CPA6: variants seen among roughly 807,000 people sequenced by gnomAD.
CPA6 encodes the protein carboxypeptidase B.
In CPA6, 58 loss-of-function variants were observed where a neutral mutation model predicts 63.3. The observed-to-expected ratio is 0.92, with a 90% confidence interval of 0.74 to 1.14. The LOEUF is 1.14. Ranked by LOEUF, CPA6 falls within the 50% of genes most tolerant of loss-of-function variation. The pLI is 0.00. For synonymous variants in CPA6, 185 were observed against 179.0 expected, an observed-to-expected ratio of 1.03 and a Z score of -0.27; for missense variants, 565 against 526.6, an observed-to-expected ratio of 1.07 and a Z score of -0.71.
chr8:67,718,771 T>C (rs1223892912), intron 1 of CPA6, among the ~76,000 whole-genome samples: 1 of 151,810 alleles, frequency 6.6e-6, no homozygotes. Flanking sequence ...CTCAGCCTCC[T>C]GAGTAGCTGG....
intron 8 of CPA6, among the ~76,000 whole-genome samples, chr8:67,466,527 T>C (rs1198822424): frequency 5.9e-5 from 9 of 152,214 alleles, no homozygotes; most frequent in African/African-American, 1.9e-4. Context: ...TGTCTTGTTT[T>C]TCTAGTTGCT....
At chr8:67,497,360 G>A (rs1444005608) in intron 6 of CPA6, among the ~76,000 whole-genome samples, 2 of 152,144 alleles carry the variant, frequency 1.3e-5, no homozygotes, top group Non-Finnish European at 2.9e-5. Context: ...TACAATATAT[G>A]AGTCTTTGTG....
chr8:67,468,121 C>T (rs1810971763), intron 8 of CPA6, among the ~76,000 whole-genome samples: 1 of 152,156 alleles, frequency 6.6e-6, no homozygotes, highest in African/African-American at 2.4e-5. Flanking sequence ...TTGTGTTTGT[C>T]AAACATTTCC....
intron 1 of CPA6, among the ~76,000 whole-genome samples, chr8:67,633,222 A>G (rs1041645841): frequency 4.6e-5 from 7 of 152,106 alleles, no homozygotes; most frequent in Non-Finnish European, 5.9e-5. Context: ...TTTTCCCCAT[A>G]GGATTGCCAC....
At chr8:67,692,201 T>C (rs1421866786) in intron 1 of CPA6, among the ~76,000 whole-genome samples, 3 of 151,928 alleles carry the variant, frequency 2.0e-5, no homozygotes, top group Admixed American at 6.6e-5. Flanking sequence ...CCGGGCATGG[T>C]GGCGCATGCC....
chr8:67,436,370 GT>G (rs1056682175), intron 8 of CPA6, among the ~76,000 whole-genome samples: 2 of 145,410 alleles, frequency 1.4e-5, no homozygotes, highest in Admixed American at 1.3e-4. Context: ...TTCTGTTTGG[GT>G]TTTTGTTGTT....
intron 8 of CPA6, among the ~76,000 whole-genome samples, chr8:67,479,397 T>C (rs1811309589): frequency 6.6e-6 from 1 of 152,250 alleles, no homozygotes. Context: ...TAAACCTCTG[T>C]ACCCCATTGT....
In CPA6 at chr8:67,543,066, G is replaced by A. The variant is rs188096285; in HGVS notation, c.193-25019C>T. On this transcript the variant is annotated intron_variant, in intron 2 of 10. Transcript: ENST00000297770. ...TATTTTATTAGGATTTCTTCTTGTT[G>A]TTGTTGTTAGTATTCTGTCACAGGT... 3.9e-5 allele frequency among the ~76,000 whole-genome samples: 6 copies of A among 152,274 alleles called. No homozygotes were observed. In the East Asian group the frequency reaches 9.6e-4, roughly 24 times the overall value.
At chr8:67,719,629 G>GA (rs1010501283) in intron 1 of CPA6, among the ~76,000 whole-genome samples, 3 of 152,124 alleles carry the variant, frequency 2.0e-5, no homozygotes, top group African/African-American at 7.2e-5. Context: ...GTCAATTGGA[G>GA]GGGGTGAAAC....
intron 8 of CPA6, among the ~76,000 whole-genome samples, chr8:67,442,575 G>A (rs1334821205): frequency 6.6e-6 from 1 of 152,146 alleles, no homozygotes; most frequent in Non-Finnish European, 1.5e-5. Flanking sequence ...GAGACATTTG[G>A]TAGTAAGGTT....
chr8:67,591,296 G>A (rs10441562), intron 2 of CPA6, among the ~76,000 whole-genome samples: 23,426 of 151,772 alleles, frequency 0.15, 2,363 homozygotes, highest in African/African-American at 0.28. Flanking sequence ...TAGCCTTGTA[G>A]TATAGTTTGA....
At chr8:67,482,416 T>C (rs1396448906) in intron 8 of CPA6, among the ~76,000 whole-genome samples, 3 of 152,232 alleles carry the variant, frequency 2.0e-5, no homozygotes, top group African/African-American at 7.2e-5. Flanking sequence ...GTTGTTTCAG[T>C]ATAGGTTGGA....
chr8:67,523,900 G>T (rs1812309709), intron 2 of CPA6, among the ~76,000 whole-genome samples: 1 of 152,202 alleles, frequency 6.6e-6, no homozygotes, highest in Non-Finnish European at 1.5e-5. Flanking sequence ...TAGCACAGAA[G>T]CACTTTCCTG....
chr8:67,533,991 A>G (rs1023183475), intron 2 of CPA6, among the ~76,000 whole-genome samples: 1 of 152,212 alleles, frequency 6.6e-6, no homozygotes, highest in African/African-American at 2.4e-5. Context: ...TAAAGACAAA[A>G]CAGTTCTTGA....
At chr8:67,668,810 C>A (rs1325321028) in intron 1 of CPA6, among the ~76,000 whole-genome samples, 3 of 152,176 alleles carry the variant, frequency 2.0e-5, no homozygotes, top group Admixed American at 2.0e-4. Context: ...AACTGACGTT[C>A]AAATTCACAA....
chr8:67,701,968 G>A (rs892016356), intron 1 of CPA6, among the ~76,000 whole-genome samples: 18 of 152,192 alleles, frequency 1.2e-4, no homozygotes, highest in Middle Eastern at 3.4e-3. Flanking sequence ...CCCTAGGTTT[G>A]GGAAGATTGT....
chr8:67,434,554 C>T (rs1038097226), intron 8 of CPA6, among the ~76,000 whole-genome samples: 3 of 152,202 alleles, frequency 2.0e-5, no homozygotes, highest in Non-Finnish European at 1.5e-5. Context: ...AATAGTACAG[C>T]AAGTGTTCAA....
intron 8 of CPA6, among the ~76,000 whole-genome samples, chr8:67,465,322 T>C (rs1299634408): frequency 6.6e-6 from 1 of 150,892 alleles, no homozygotes; most frequent in Non-Finnish European, 1.5e-5. Flanking sequence ...TGTATAGAAA[T>C]GCTACTGATT....
intron 10 of CPA6, among the ~76,000 whole-genome samples, chr8:67,427,288 T>A (rs1251682155): frequency 6.6e-6 from 1 of 152,218 alleles, no homozygotes; most frequent in African/African-American, 2.4e-5. Flanking sequence ...TTTGCTGCCC[T>A]TAGCCAGATT....
Sources: gnomAD v4.1 joint callset for allele counts (sites outside exome capture counted in the v4.1 genomes callset) on GRCh38, gnomAD v4.1.1 for gene constraint, MANE v1.5 for transcripts, NCBI Gene and HGNC (gene_info 2026-07-23, HGNC 2026-07-21) for gene names.